The following SEC22C variants were observed in gnomAD, a reference collection of about 807,000 sequenced individuals.
SEC22C encodes SEC22 homolog C, vesicle trafficking protein.
Under a neutral mutation model 34.7 loss-of-function variants are expected in SEC22C, and 29 were observed. That is an observed-to-expected ratio of 0.84 (90% CI 0.62 to 1.14). SEC22C has a LOEUF of 1.14. Ranked by LOEUF, SEC22C falls within the 50% of genes most tolerant of loss-of-function variation. SEC22C has a pLI of 0.00. For missense variants in SEC22C, 337 were observed against 369.0 expected (o/e 0.91, Z 0.71); for synonymous variants, 117 against 132.8 (o/e 0.88, Z 0.82).
At chr3:42,555,392 G>A (rs896644916) in intron 6 of SEC22C, among the ~76,000 whole-genome samples, 2 of 151,892 alleles carry the variant, frequency 1.3e-5, no homozygotes, top group South Asian at 2.1e-4. Context: ...GTCTTGCTAT[G>A]TTGCCCTGGT....
At chr3:42,591,536 G>C in intron 1 of SEC22C, 1 of 1,613,822 alleles carries the variant, frequency 6.2e-7, no homozygotes, top group South Asian at 1.1e-5. Context: ...TCCTTGAGGA[G>C]AATGACCAGC....
intron 1 of SEC22C, among the ~76,000 whole-genome samples, chr3:42,591,916 G>A (rs549447133): frequency 6.6e-6 from 1 of 152,264 alleles, no homozygotes; most frequent in East Asian, 1.9e-4. Context: ...AAGCTCAGGA[G>A]ATTAGAGCCA....
chr3:42,579,480 T>A (rs1424959836), intron 1 of SEC22C: 1 of 148,350 alleles, frequency 6.7e-6, no homozygotes, highest in Non-Finnish European at 1.5e-5. Flanking sequence ...CACACACCTG[T>A]GGTCCCAGCT....
At position 42,551,023 on chromosome 3, in the gene SEC22C, C is replaced by G; in HGVS notation, c.*2225G>C. On this transcript the variant is annotated 3_prime_UTR_variant, in exon 7 of 7. Coordinates refer to ENST00000264454, the MANE Select transcript of SEC22C (RefSeq NM_032970.4). The stretch of plus-strand genomic sequence containing the variant: ...AGCTGGGGCTACAGGCACAAGCCAC[C>G]GTGCCCAGCTAATTTTTGTATTTTT... 1.3e-6 allele frequency: 1 copy of G among 791,538 alleles called. No individual in the cohort carries two copies. Among genetic ancestry groups the G allele is most frequent in the Non-Finnish European group, 1.5e-6 (1 of 653,418 alleles). 49.0% of individuals were successfully genotyped at this position (791,538 alleles called of 1,614,324 possible).
intron 4 of SEC22C, among the ~76,000 whole-genome samples, chr3:42,560,324 TA>T (rs1449972182): frequency 6.7e-6 from 1 of 149,248 alleles, no homozygotes; most frequent in Non-Finnish European, 1.5e-5. Flanking sequence ...AATAAATAAA[TA>T]AAAACATAAA....
At chr3:42,562,890 CTT>C (rs1703006821) in intron 3 of SEC22C, among the ~76,000 whole-genome samples, 1 of 152,074 alleles carries the variant, frequency 6.6e-6, no homozygotes, top group Non-Finnish European at 1.5e-5. Flanking sequence ...CTGTTTTTTT[CTT>C]ACTTCCAAAC....
chr3:42,578,330 A>C (rs1357704760), intron 1 of SEC22C, among the ~76,000 whole-genome samples: 1 of 152,214 alleles, frequency 6.6e-6, no homozygotes. Flanking sequence ...GGTTATATAC[A>C]ATATGCATCC....
rs117077482 is a variant in SEC22C, at chr3:42,564,786, C to G, written c.183-1100G>C. 2.3e-3 allele frequency among the ~76,000 whole-genome samples: 345 copies of G among 152,248 alleles called. 5 individuals carry two copies. In the East Asian group the frequency reaches 0.024, roughly 11 times the overall value. ...GTTTTGTTTTGTTTTGACACAGGGT[C>G]TCACTCTGTCATCCATGCTAGAGTG... On this transcript the variant is annotated intron_variant, in intron 2 of 6. Coordinates refer to ENST00000264454, the MANE Select transcript of SEC22C (RefSeq NM_032970.4).
intron 1 of SEC22C, among the ~76,000 whole-genome samples, chr3:42,571,373 C>T (rs1363160694): frequency 1.3e-5 from 2 of 152,124 alleles, no homozygotes; most frequent in Non-Finnish European, 2.9e-5. Context: ...ACTAGTGAAA[C>T]TCACATCTAT....
At chr3:42,561,323 A>T in intron 3 of SEC22C, 27 bp from the exon 4 acceptor site, 1 of 1,609,030 alleles carries the variant, frequency 6.2e-7, no homozygotes, top group Non-Finnish European at 8.5e-7. Context: ...ACACAAGTTA[A>T]GCATTTTCAT....
upstream of SEC22C, among the ~76,000 whole-genome samples, chr3:42,584,155 G>T (rs185789321): frequency 7.9e-5 from 12 of 152,302 alleles, no homozygotes; most frequent in African/African-American, 2.9e-4. Context: ...TAGATATATA[G>T]ATATCACATT....
At chr3:42,590,858 T>A (rs1559536279) in intron 1 of SEC22C, 2 of 1,609,948 alleles carry the variant, frequency 1.2e-6, no homozygotes, top group Admixed American at 3.3e-5. Flanking sequence ...CTATCGTGGG[T>A]CGAGTTGCTT....
chr3:42,556,322 C>T (rs992666113), intron 5 of SEC22C, among the ~76,000 whole-genome samples: 3 of 152,194 alleles, frequency 2.0e-5, no homozygotes, highest in South Asian at 2.1e-4. Context: ...CAGGCACTGC[C>T]GCCTCTTTAG....
At chr3:42,561,925 C>T (rs920280916) in intron 3 of SEC22C, among the ~76,000 whole-genome samples, 1 of 151,778 alleles carries the variant, frequency 6.6e-6, no homozygotes, top group Non-Finnish European at 1.5e-5. Flanking sequence ...TACGGTACAA[C>T]CCTAGGCAAT....
At chr3:42,559,269 A>G (rs1447068463) in intron 4 of SEC22C, among the ~76,000 whole-genome samples, 2 of 152,240 alleles carry the variant, frequency 1.3e-5, no homozygotes, top group Non-Finnish European at 1.5e-5. Context: ...TTACTGTTAG[A>G]ACAGAATATG....
At position 42,550,475 on chromosome 3, in the gene SEC22C, C is replaced by T; in HGVS notation, c.*2773G>A. On this transcript the variant is annotated 3_prime_UTR_variant, in exon 7 of 7. Coordinates refer to ENST00000264454, the MANE Select transcript of SEC22C (RefSeq NM_032970.4). ...TGGGGATTTCCCTCGGATGAAATCA[C>T]CAGAACTTCTTTCCTATTTTCAGTC... 3 of 985,426 alleles carry T rather than the reference C, an allele frequency of 3.0e-6. No homozygotes were observed. Among genetic ancestry groups the T allele is most frequent in the Non-Finnish European group, 2.4e-6 (2 of 829,940 alleles). 61.0% of individuals were successfully genotyped at this position (985,426 alleles called of 1,614,324 possible).
intron 1 of SEC22C, chr3:42,600,360 A>T (rs1705245398): frequency 2.0e-5 from 3 of 152,240 alleles, no homozygotes; most frequent in Admixed American, 2.0e-4. Flanking sequence ...CAGCGCTCGG[A>T]AACAGAGAAG....
chr3:42,563,980 T>A, intron 2 of SEC22C: 1 of 1,277,446 alleles, frequency 7.8e-7, no homozygotes. Flanking sequence ...CTTCTCCACA[T>A]CTATTGAGAA....
chr3:42,599,584 T>C (rs1275893383), intron 1 of SEC22C, among the ~76,000 whole-genome samples: 1 of 149,174 alleles, frequency 6.7e-6, no homozygotes, highest in African/African-American at 2.5e-5. Flanking sequence ...CCCAGCTACT[T>C]GGGAGGCTGA....
Sources: allele counts gnomAD v4.1 joint callset (sites outside exome capture counted in the v4.1 genomes callset), GRCh38; gene constraint gnomAD v4.1.1; transcripts MANE v1.5; gene names NCBI Gene and HGNC (gene_info 2026-07-23, HGNC 2026-07-21).